Variants in SOX6 observed in about 807,000 individuals in gnomAD.
SOX6 encodes the protein SRY-box transcription factor 6, also known as transcription factor SOX-6.
SOX6 carries 11 observed loss-of-function variants against 97.8 expected under a neutral mutation model. The ratio of observed to expected loss-of-function variants is 0.11; its 90% CI spans 0.07 to 0.19. SOX6 has a LOEUF of 0.19. Ranked by LOEUF, SOX6 falls within the 10% of genes least tolerant of loss-of-function variation. The pLI, the probability that SOX6 is intolerant of heterozygous loss-of-function variation, is 1.00. For synonymous variants in SOX6, 360 were observed against 371.4 expected, an observed-to-expected ratio of 0.97 and a Z score of 0.35; for missense variants, 810 against 1,039.5, an observed-to-expected ratio of 0.78 and a Z score of 3.04.
chr11:16,035,934 T>C (rs758837621), intron 12 of SOX6, among the ~76,000 whole-genome samples: 2 of 152,104 alleles, frequency 1.3e-5, no homozygotes, highest in Non-Finnish European at 2.9e-5. Flanking sequence ...CAGGACTGAG[T>C]GCCAGAGAGA....
rs991254155 is a variant in SOX6, at chr11:16,343,219, G to T, written c.-4-1967C>A. Among the ~76,000 whole-genome samples the T allele has an allele frequency of 2.6e-5, 4 of 151,778 alleles. No individual in the cohort carries two copies. In the East Asian group the frequency reaches 7.7e-4, roughly 29 times the overall value. On this transcript the variant is annotated intron_variant, in intron 1 of 15. Coordinates refer to ENST00000683767, the MANE Select transcript of SOX6 (RefSeq NM_001367873.1). ...TTTATCAAGAGCTTGCCACAAACAA[G>T]GGTGATTTCCTATTTCAGATACTGA...
intron 4 of SOX6, among the ~76,000 whole-genome samples, chr11:16,525,149 AC>A (rs1861135982): frequency 2.0e-5 from 3 of 152,174 alleles, no homozygotes; most frequent in African/African-American, 7.2e-5. Flanking sequence ...TTCATATGGA[AC>A]CAAAAAAGAG....
At chr11:16,658,154 A>G (rs1847738056) in intron 3 of SOX6, among the ~76,000 whole-genome samples, 2 of 152,194 alleles carry the variant, frequency 1.3e-5, no homozygotes, top group South Asian at 4.1e-4. Flanking sequence ...ATCCTCTGCA[A>G]TGCTTTATAT....
intron 3 of SOX6, among the ~76,000 whole-genome samples, chr11:16,634,029 T>A (rs540964948): frequency 6.6e-6 from 1 of 152,292 alleles, no homozygotes; most frequent in South Asian, 2.1e-4. Context: ...AGAGAAAAGA[T>A]GATCAACAAA....
intron 1 of SOX6, among the ~76,000 whole-genome samples, chr11:16,392,250 C>T (rs1239821386): frequency 6.6e-6 from 1 of 151,974 alleles, no homozygotes; most frequent in Admixed American, 6.6e-5. Context: ...GGAAAAGAAA[C>T]AGTCTTTAGG....
intron 6 of SOX6, among the ~76,000 whole-genome samples, chr11:16,154,595 A>C (rs1245235754): frequency 1.3e-5 from 2 of 152,256 alleles, no homozygotes; most frequent in East Asian, 3.9e-4. Context: ...AATTAAGTAC[A>C]GTGGTCTTCT....
chr11:16,316,641 C>T (rs1477296196), intron 3 of SOX6: 1 of 151,938 alleles, frequency 6.6e-6, no homozygotes, highest in Non-Finnish European at 1.5e-5. Context: ...CCTAGTAGTT[C>T]AGGAAAAAAA....
At chr11:16,636,074 G>A (rs975484672) in intron 3 of SOX6, among the ~76,000 whole-genome samples, 1 of 152,206 alleles carries the variant, frequency 6.6e-6, no homozygotes, top group East Asian at 1.9e-4. Flanking sequence ...GCCTAGTGGT[G>A]CTGTGAGAGG....
At chr11:16,186,599 T>G (rs567528036) in intron 5 of SOX6, among the ~76,000 whole-genome samples, 184 bp downstream of exon 5, 7 of 152,152 alleles carry the variant, frequency 4.6e-5, no homozygotes, top group Non-Finnish European at 7.4e-5. Flanking sequence ...TTTGTACACA[T>G]ATTCCCTCAA....
chr11:16,109,870 A>G (rs1849186438), intron 7 of SOX6, among the ~76,000 whole-genome samples: 1 of 152,054 alleles, frequency 6.6e-6, no homozygotes, highest in African/African-American at 2.4e-5. Context: ...CTCAAAACCC[A>G]TTGTCCTGCC....
At chr11:16,554,761 G>T (rs911092247) in intron 4 of SOX6, among the ~76,000 whole-genome samples, 1 of 151,968 alleles carries the variant, frequency 6.6e-6, no homozygotes, top group African/African-American at 2.4e-5. Flanking sequence ...TCGAGAAGGA[G>T]GTCAGTCTGA....
Position 16,654,342 on chromosome 11 carries a change from G to C in SOX6, n.430-42082C>G, listed in dbSNP as rs76459006. On this transcript the variant is annotated intron_variant and non_coding_transcript_variant, in intron 3 of 5. Coordinates refer to the SOX6 transcript ENST00000524520. ...TACCGCCATGCTTGGCTAATTTTGT[G>C]TGTGTGTGTTTGTGGTGACAAGGAC... Among the ~76,000 whole-genome samples the C allele has an allele frequency of 1.6e-3, 250 of 152,224 alleles. 5 individuals carry two copies. The East Asian group carries it at 0.038, about 23-fold the overall frequency.
At chr11:16,077,698 A>G (rs1848387904) in intron 9 of SOX6, among the ~76,000 whole-genome samples, 1 of 152,182 alleles carries the variant, frequency 6.6e-6, no homozygotes, top group Admixed American at 6.5e-5. Context: ...AAGCAAACTA[A>G]TGCAGGAACA....
At chr11:16,294,545 A>G (rs1855012799) in intron 3 of SOX6, among the ~76,000 whole-genome samples, 2 of 152,114 alleles carry the variant, frequency 1.3e-5, no homozygotes, top group South Asian at 2.1e-4. Flanking sequence ...GGAAATAGTC[A>G]CTATTTCTGG....
intron 4 of SOX6, among the ~76,000 whole-genome samples, chr11:16,512,868 A>C (rs12802656): frequency 0.47 from 70,952 of 152,118 alleles, 17,016 homozygotes; most frequent in African/African-American, 0.5. Context: ...ATGCACTTTT[A>C]TAACCACTGC....
chr11:16,475,965 G>A (rs1297521414), intron 1 of SOX6, among the ~76,000 whole-genome samples: 1 of 152,118 alleles, frequency 6.6e-6, no homozygotes, highest in Non-Finnish European at 1.5e-5. Context: ...AAGACTATCA[G>A]AAGTTATCAG....
chr11:16,712,090 C>T (rs1590061038), intron 3 of SOX6, among the ~76,000 whole-genome samples: 1 of 151,100 alleles, frequency 6.6e-6, no homozygotes, highest in South Asian at 2.1e-4. Flanking sequence ...CACACACACA[C>T]ACACACACAC....
intron 4 of SOX6, among the ~76,000 whole-genome samples, chr11:16,581,043 C>T (rs1848028290): frequency 2.0e-5 from 3 of 152,096 alleles, no homozygotes; most frequent in African/African-American, 4.8e-5. Context: ...TGCGGCGATT[C>T]CTCAAGAATC....
intron 9 of SOX6, among the ~76,000 whole-genome samples, chr11:16,066,019 CAG>C (rs969998438): frequency 6.6e-6 from 1 of 152,074 alleles, no homozygotes; most frequent in African/African-American, 2.4e-5. Flanking sequence ...ACTCATCTGA[CAG>C]GGGATTTATA....
Sources: allele counts gnomAD v4.1 joint callset (sites outside exome capture counted in the v4.1 genomes callset), GRCh38; gene constraint gnomAD v4.1.1; transcripts MANE v1.5; gene names NCBI Gene and HGNC (gene_info 2026-07-23, HGNC 2026-07-21).